TUT4: variants seen among roughly 807,000 people sequenced by gnomAD.
TUT4 encodes the protein terminal uridylyl transferase 4, also known as terminal uridylyltransferase 4.
TUT4 carries 36 observed loss-of-function variants against 192.2 expected under a neutral mutation model. That is an observed-to-expected ratio of 0.19 (90% confidence interval 0.14 to 0.25). TUT4 has a LOEUF of 0.25. TUT4 is among the 10% of genes least tolerant of loss of function. The pLI, the probability that TUT4 is intolerant of heterozygous loss-of-function variation, is 1.00. For missense variants in TUT4, 1,493 were observed against 1,957.2 expected (o/e 0.76, Z 4.47); for synonymous variants, 618 against 666.0 (o/e 0.93, Z 1.11).
chr1:52,545,559 C>T (rs907084221), intron 1 of TUT4, among the ~76,000 whole-genome samples: 4 of 151,946 alleles, frequency 2.6e-5, no homozygotes, highest in African/African-American at 7.3e-5. Flanking sequence ...GATATACAGA[C>T]GGCCACAAGC....
At chr1:52,502,902 G>C (rs1400165822) in intron 4 of TUT4, among the ~76,000 whole-genome samples, 1 of 152,102 alleles carries the variant, frequency 6.6e-6, no homozygotes, top group Non-Finnish European at 1.5e-5. Flanking sequence ...AGGATTACAG[G>C]CGTGAGCCAC....
intron 13 of TUT4, among the ~76,000 whole-genome samples, chr1:52,474,548 T>C (rs545502535): frequency 6.6e-6 from 1 of 152,314 alleles, no homozygotes; most frequent in South Asian, 2.1e-4. Context: ...TTAAAATGCA[T>C]GCTACCTTTG....
Position 52,515,936 on chromosome 1 carries a change from T to C in TUT4, c.837A>G (p.Gln279=). ...GATCTCTTTCTAAGCGTTCTTCTGC[T>C]TGTTTCAACCCCAGCCTCTGCTCAG... ...LTPEQRLGLK[Q]AEERLERDHI... is the part of the protein sequence containing the mutation. Residue 279 remains glutamine (Q), a synonymous_variant, in exon 3 of 30, where the codon CAA becomes CAG. Coordinates refer to ENST00000257177, the MANE Select transcript of TUT4 (RefSeq NM_001009881.3). 1 of 1,613,680 alleles carries C rather than the reference T, an allele frequency of 6.2e-7. No homozygotes were observed. Among genetic ancestry groups the C allele is most frequent in the African/African-American group, 1.3e-5 (1 of 74,930 alleles).
At chr1:52,534,036 G>GT (rs1320075146) in intron 1 of TUT4, among the ~76,000 whole-genome samples, 11 of 152,326 alleles carry the variant, frequency 7.2e-5, no homozygotes, top group African/African-American at 2.6e-4. Flanking sequence ...TTCATTCTAT[G>GT]TAGACGGATA....
chr1:52,493,662 T>C lies in TUT4; in HGVS notation c.1267A>G (p.Met423Val). Residue 423 changes from methionine (M) to valine (V), a missense_variant and splice_region_variant, in exon 7 of 30, where the codon ATG becomes GTG. Transcript: ENST00000257177. ...TTTATCAGAAGATCTGGATGATTCA[T>C]CTAAAAAAGTTTCAAAAATAAATCG... ...VNIDIKFPPK[M>V]NHPDLLIKVL... is the part of the protein sequence containing the mutation. The C allele has an allele frequency of 6.6e-7, 1 of 1,504,736 alleles. No homozygotes were observed. The highest frequency in any genetic ancestry group is 2.1e-5 in the Admixed American group (1 of 46,830). 93.2% of individuals were successfully genotyped at this position (1,504,736 alleles called of 1,614,324 possible).
At chr1:52,498,906 A>T (rs1320064399) in intron 4 of TUT4, among the ~76,000 whole-genome samples, 3 of 2,050 alleles carry the variant, frequency 1.5e-3, no homozygotes, top group Admixed American at 5.5e-3. Flanking sequence ...AAAAAATTAT[A>T]TATATATATA....
At chr1:52,440,204 G>A (rs1570270923) in intron 24 of TUT4, among the ~76,000 whole-genome samples, 1 of 152,278 alleles carries the variant, frequency 6.6e-6, no homozygotes, top group East Asian at 1.9e-4. Flanking sequence ...TGTGGGGACG[G>A]TTGCACAATC....
chr1:52,515,678 T>G, intron 3 of TUT4: 1 of 636,718 alleles, frequency 1.6e-6, no homozygotes, highest in East Asian at 2.7e-5. Context: ...TTGGGATGAA[T>G]GAAGTCAGAC....
At chr1:52,470,521 G>A (rs1449353097) in intron 14 of TUT4, among the ~76,000 whole-genome samples, 1 of 151,866 alleles carries the variant, frequency 6.6e-6, no homozygotes, top group Non-Finnish European at 1.5e-5. Context: ...ACAGGTGAAT[G>A]GATAAACAAA....
intron 27 of TUT4, chr1:52,434,349 T>G (rs185042468): frequency 6.6e-6 from 1 of 152,334 alleles, no homozygotes; most frequent in Admixed American, 6.5e-5. Context: ...ATTCTCAGTT[T>G]CCCAATTTGT....
intron 20 of TUT4, among the ~76,000 whole-genome samples, chr1:52,457,383 G>A (rs1193315823): frequency 2.0e-5 from 3 of 151,708 alleles, no homozygotes; most frequent in Admixed American, 6.6e-5. Context: ...TTACAGGCAC[G>A]CACCACCACG....
At chr1:52,460,687 C>A (rs974094787) in intron 19 of TUT4, among the ~76,000 whole-genome samples, 2 of 152,110 alleles carry the variant, frequency 1.3e-5, no homozygotes, top group Non-Finnish European at 2.9e-5. Flanking sequence ...ACCTAGTTTA[C>A]ACAATTAGCA....
At chr1:52,514,244 C>T (rs1351914342) in intron 3 of TUT4, among the ~76,000 whole-genome samples, 1 of 152,136 alleles carries the variant, frequency 6.6e-6, no homozygotes, top group Non-Finnish European at 1.5e-5. Flanking sequence ...AGTTCGAGAC[C>T]AAACTGGCCA....
At chr1:52,542,266 T>C (rs1431128282) in intron 1 of TUT4, among the ~76,000 whole-genome samples, 1 of 152,216 alleles carries the variant, frequency 6.6e-6, no homozygotes, top group African/African-American at 2.4e-5. Flanking sequence ...TGGAAATGGA[T>C]GGTGGTGATA....
chr1:52,455,911 G>A (rs1025950337), intron 20 of TUT4, among the ~76,000 whole-genome samples: 3 of 151,986 alleles, frequency 2.0e-5, no homozygotes, highest in Non-Finnish European at 4.4e-5. Context: ...AAACATACTC[G>A]TACATATGAT....
intron 2 of TUT4, among the ~76,000 whole-genome samples, chr1:52,521,443 T>C (rs968389819): frequency 1.3e-5 from 2 of 151,972 alleles, no homozygotes; most frequent in African/African-American, 4.8e-5. Flanking sequence ...GGCAGGCAGA[T>C]GGCTTGAGGT....
At position 52,534,317 on chromosome 1, in the gene TUT4, T is replaced by C. The variant is rs560272021; in HGVS notation, c.-93-7944A>G. On this transcript the variant is annotated intron_variant, in intron 1 of 29. Coordinates refer to ENST00000257177, the MANE Select transcript of TUT4 (RefSeq NM_001009881.3). ...GGTATCAGTAAACCAGTTGAAAGTATAAGCCGCCTTCTCCAAACTGAACGT... is the reference window on the plus strand; with the variant it reads ...GGTATCAGTAAACCAGTTGAAAGTACAAGCCGCCTTCTCCAAACTGAACGT... Among the ~76,000 whole-genome samples, 5 of 152,308 alleles carry C rather than the reference T, an allele frequency of 3.3e-5. No individual in the cohort carries two copies. The South Asian group carries it at 1.0e-3, about 32-fold the overall frequency.
chr1:52,482,354 GTATAT>G (rs1557802198), intron 9 of TUT4, among the ~76,000 whole-genome samples: 1 of 152,026 alleles, frequency 6.6e-6, no homozygotes, highest in Non-Finnish European at 1.5e-5. Context: ...TACCAAAATA[GTATAT>G]TATAGACATC....
chr1:52,428,799 T>C (rs1470140591), intron 28 of TUT4, among the ~76,000 whole-genome samples: 1 of 151,930 alleles, frequency 6.6e-6, no homozygotes, highest in Non-Finnish European at 1.5e-5. Flanking sequence ...AAAAACTATA[T>C]ACTTTTTTAG....
Sources: allele counts gnomAD v4.1 joint callset (sites outside exome capture counted in the v4.1 genomes callset), GRCh38; gene constraint gnomAD v4.1.1; transcripts MANE v1.5; gene names NCBI Gene and HGNC (gene_info 2026-07-23, HGNC 2026-07-21).